The following TOX2 variants were observed in gnomAD, a reference collection of about 807,000 sequenced individuals.
The protein encoded by TOX2 is TOX high mobility group box family member 2, also known as granulosa cell HMG box 1.
Under a neutral mutation model 47.4 loss-of-function variants are expected in TOX2, and 15 were observed. That is an observed-to-expected ratio of 0.32 (90% confidence interval 0.21 to 0.49). The LOEUF (loss-of-function observed/expected upper bound fraction) is 0.49, where lower values mean the gene tolerates loss of function less well. Among genes scored for constraint, TOX2 ranks in the 20% least tolerant of loss-of-function variants. The probability of loss-of-function intolerance (pLI) is 0.99; values close to 1 mark genes in which losing one functional copy is unlikely to be tolerated. For missense variants in TOX2, 622 were observed against 673.1 expected (o/e 0.92, Z 0.84); for synonymous variants, 290 against 296.6 (o/e 0.98, Z 0.23).
At chr20:43,985,667 A>AT (rs1276918292) in intron 2 of TOX2, among the ~76,000 whole-genome samples, 1 of 152,122 alleles carries the variant, frequency 6.6e-6, no homozygotes, top group Non-Finnish European at 1.5e-5. Context: ...GGAAAACATT[A>AT]TTTTCAGTAA....
At chr20:43,986,120 T>C (rs2070258923) in intron 2 of TOX2, among the ~76,000 whole-genome samples, 2 of 152,164 alleles carry the variant, frequency 1.3e-5, no homozygotes, top group African/African-American at 4.8e-5. Flanking sequence ...GGTGGGAAGT[T>C]TGTGGCTAGT....
At chr20:43,924,423 G>A (rs889681098) in intron 1 of TOX2, among the ~76,000 whole-genome samples, 50 of 151,546 alleles carry the variant, frequency 3.3e-4, no homozygotes, top group African/African-American at 1.2e-3. Flanking sequence ...GCACTGAGCT[G>A]TCACATATCT....
intron 8 of TOX2, 86 bp from the exon 9 acceptor site, chr20:44,068,564 G>A (rs1569157141): frequency 6.8e-7 from 1 of 1,460,008 alleles, no homozygotes; most frequent in South Asian, 1.3e-5. Flanking sequence ...AGGGGTGGGG[G>A]TGGGGCGTAC....
intron 3 of TOX2, among the ~76,000 whole-genome samples, chr20:44,030,602 G>C (rs1443414688): frequency 6.6e-6 from 1 of 152,132 alleles, no homozygotes. Flanking sequence ...CTTGACCGCT[G>C]ATCTTACAGC....
intron 3 of TOX2, among the ~76,000 whole-genome samples, chr20:44,038,355 C>T (rs1013252429): frequency 1.3e-5 from 2 of 152,110 alleles, no homozygotes; most frequent in Non-Finnish European, 2.9e-5. Flanking sequence ...GTCATTGCAC[C>T]ACTGCACTCC....
intron 3 of TOX2, among the ~76,000 whole-genome samples, chr20:44,051,062 C>T (rs1158027532): frequency 6.6e-6 from 1 of 152,186 alleles, no homozygotes; most frequent in African/African-American, 2.4e-5. Flanking sequence ...AGCGTCTGTC[C>T]GAGGTGAATG....
chr20:44,064,965 G>C (rs2071786175), intron 6 of TOX2, 108 bp downstream of exon 6: 1 of 988,296 alleles, frequency 1.0e-6, no homozygotes, highest in Admixed American at 2.1e-5. Flanking sequence ...GTCTTAGAAA[G>C]AATGGCTCAG....
At chr20:44,023,503 C>T (rs528143297) in intron 3 of TOX2, among the ~76,000 whole-genome samples, 60 of 150,160 alleles carry the variant, frequency 4.0e-4, no homozygotes, top group Admixed American at 9.2e-4. Context: ...AAGGACTGGA[C>T]AGGAAGCATC....
At chr20:44,014,432 G>T (rs2070839641) in intron 3 of TOX2, among the ~76,000 whole-genome samples, 1 of 152,132 alleles carries the variant, frequency 6.6e-6, no homozygotes, top group Non-Finnish European at 1.5e-5. Flanking sequence ...AGCTAACTTT[G>T]TAACCTACCA....
chr20:43,927,097 T>G (rs6017218), intron 1 of TOX2, among the ~76,000 whole-genome samples: 49,231 of 152,092 alleles, frequency 0.32, 12,270 homozygotes, highest in African/African-American at 0.68. Context: ...AGGTACAAAT[T>G]TCTCTGCATC....
chr20:43,935,454 G>C lies in TOX2; in HGVS notation c.99+20464G>C, dbSNP rs555826050. 3.9e-5 allele frequency among the ~76,000 whole-genome samples: 6 copies of C among 152,334 alleles called. No homozygotes were observed. In the East Asian group the frequency reaches 1.2e-3, roughly 29 times the overall value. Reference sequence around the variant, plus strand: ...AGTGGAGTTGGGGCGGGGACGAGGAGGAACTACTGTTCAGTGAATACCTAC... The same window carrying C: ...AGTGGAGTTGGGGCGGGGACGAGGACGAACTACTGTTCAGTGAATACCTAC... On this transcript the variant is annotated intron_variant, in intron 1 of 8. Transcript: ENST00000341197.
At chr20:43,994,209 A>G (rs2070424754) in intron 2 of TOX2, among the ~76,000 whole-genome samples, 1 of 151,738 alleles carries the variant, frequency 6.6e-6, no homozygotes, top group South Asian at 2.1e-4. Flanking sequence ...TCATGCCTAT[A>G]CTCCCAGCAC....
chr20:44,028,800 T>A (rs994664221), intron 3 of TOX2, among the ~76,000 whole-genome samples: 1 of 152,178 alleles, frequency 6.6e-6, no homozygotes, highest in Non-Finnish European at 1.5e-5. Context: ...ATTCAGGAAT[T>A]TGGAGGATTC....
intron 3 of TOX2, chr20:44,039,292 C>T (rs2071294732): frequency 7.8e-7 from 1 of 1,289,258 alleles, no homozygotes; most frequent in Non-Finnish European, 1.0e-6. Context: ...GCCCACATGT[C>T]CCCAGGGAGC....
At chr20:44,039,286 A>G in intron 3 of TOX2, 5 of 1,289,402 alleles carry the variant, frequency 3.9e-6, no homozygotes, top group Non-Finnish European at 5.1e-6. Flanking sequence ...AGAGAAGCCC[A>G]CATGTCCCCA....
intron 1 of TOX2, among the ~76,000 whole-genome samples, chr20:43,930,361 A>T (rs2069236971): frequency 2.6e-5 from 4 of 152,234 alleles, no homozygotes; most frequent in Admixed American, 2.6e-4. Flanking sequence ...TGCAAGTGTT[A>T]ATCCATGTGA....
chr20:44,046,330 C>G (rs909686422), intron 3 of TOX2, among the ~76,000 whole-genome samples: 3 of 152,212 alleles, frequency 2.0e-5, no homozygotes, highest in Non-Finnish European at 4.4e-5. Context: ...TGCAGAAAAT[C>G]TGTTTAAATT....
At chr20:44,036,217 G>A (rs2071236537) in intron 3 of TOX2, among the ~76,000 whole-genome samples, 1 of 152,212 alleles carries the variant, frequency 6.6e-6, no homozygotes, top group Non-Finnish European at 1.5e-5. Context: ...TTAGAGAGAG[G>A]CTACAACGCA....
intron 3 of TOX2, among the ~76,000 whole-genome samples, chr20:44,049,461 ACTTAGAATTTCCAG>A (rs2071471062): frequency 6.6e-6 from 1 of 152,224 alleles, no homozygotes; most frequent in Non-Finnish European, 1.5e-5. Context: ...AAAATTAGCC[ACTTAGAATTTCCAG>A]AACTCTTCTT....
Sources: gnomAD v4.1 joint callset for allele counts (sites outside exome capture counted in the v4.1 genomes callset) on GRCh38, gnomAD v4.1.1 for gene constraint, MANE v1.5 for transcripts, NCBI Gene and HGNC (gene_info 2026-07-23, HGNC 2026-07-21) for gene names.